Variants in CHODL observed in about 807,000 individuals in gnomAD.
The protein encoded by CHODL is transmembrane protein MT75.
In CHODL, 29 loss-of-function variants were observed where a neutral mutation model predicts 34.5. The observed-to-expected ratio is 0.84, with a 90% CI of 0.63 to 1.15. The LOEUF is 1.15. CHODL is among the 50% of genes most tolerant of loss of function. The pLI is 0.00. For missense variants in CHODL, 332 were observed against 332.5 expected, an observed-to-expected ratio of 1.00 and a Z score of 0.01; for synonymous variants, 125 against 116.1, an observed-to-expected ratio of 1.08 and a Z score of -0.49.
intron 1 of CHODL, among the ~76,000 whole-genome samples, chr21:17,961,669 T>A (rs1243297796): frequency 6.6e-6 from 1 of 152,214 alleles, no homozygotes; most frequent in African/African-American, 2.4e-5. Context: ...TTAAGAGCCA[T>A]CTCCAGTGAG....
intron 2 of CHODL, among the ~76,000 whole-genome samples, chr21:18,091,627 G>A (rs560805503): frequency 6.6e-6 from 1 of 152,274 alleles, no homozygotes; most frequent in Non-Finnish European, 1.5e-5. Flanking sequence ...ACCACAGTGA[G>A]GTAGAGAAAC....
chr21:17,998,983 A>G (rs2063879282), intron 1 of CHODL, among the ~76,000 whole-genome samples: 1 of 152,132 alleles, frequency 6.6e-6, no homozygotes, highest in Admixed American at 6.5e-5. Flanking sequence ...TTTCATTCCT[A>G]CTGCATTGTC....
At chr21:18,076,043 T>C (rs1043101616) in intron 2 of CHODL, among the ~76,000 whole-genome samples, 1 of 152,152 alleles carries the variant, frequency 6.6e-6, no homozygotes, top group African/African-American at 2.4e-5. Flanking sequence ...GAAAGATAAA[T>C]TTCTGTTGTT....
In CHODL at chr21:18,043,989, C is replaced by T. The variant is rs116388922; in HGVS notation, c.-45+16018C>T. 3.7e-3 allele frequency among the ~76,000 whole-genome samples: 570 copies of T among 152,040 alleles called. 6 individuals are homozygous for T. Among genetic ancestry groups the T allele is most frequent in the African/African-American group, 0.013 (545 of 41,522 alleles). ...AACCATCTCCATGATTCAGTTATCT[C>T]CCCGCCACAACACATGGGGATTATG... is the stretch of plus-strand genomic sequence containing the variant. On this transcript the variant is annotated intron_variant, in intron 2 of 6. Transcript: ENST00000400127.
At chr21:18,045,584 A>G (rs2064432080) in intron 2 of CHODL, among the ~76,000 whole-genome samples, 1 of 151,902 alleles carries the variant, frequency 6.6e-6, no homozygotes, top group Non-Finnish European at 1.5e-5. Context: ...CCTTATTTCA[A>G]GTTTATGTCC....
At chr21:17,957,517 G>A (rs1171524266) in intron 1 of CHODL, among the ~76,000 whole-genome samples, 2 of 152,008 alleles carry the variant, frequency 1.3e-5, no homozygotes, top group African/African-American at 4.8e-5. Flanking sequence ...ATGTTATGAA[G>A]AAAATCCACT....
intron 2 of CHODL, among the ~76,000 whole-genome samples, chr21:18,163,664 A>G (rs1336509641): frequency 6.6e-6 from 1 of 152,200 alleles, no homozygotes; most frequent in Non-Finnish European, 1.5e-5. Flanking sequence ...TTTGCATTAT[A>G]GTACATTTGC....
intron 1 of CHODL, among the ~76,000 whole-genome samples, chr21:18,251,502 T>G (rs184073876): frequency 1.4e-3 from 169 of 123,316 alleles, no homozygotes; most frequent in Middle Eastern, 5.7e-3. Context: ...AAATAAATAT[T>G]TATTTTAATA....
At chr21:18,110,768 G>A (rs948660991) in intron 2 of CHODL, among the ~76,000 whole-genome samples, 2 of 152,284 alleles carry the variant, frequency 1.3e-5, no homozygotes, top group East Asian at 3.9e-4. Context: ...CAATGCACTG[G>A]AACATGGGAC....
chr21:18,055,151 G>A (rs981048990), intron 2 of CHODL, among the ~76,000 whole-genome samples: 2 of 151,814 alleles, frequency 1.3e-5, no homozygotes, highest in Non-Finnish European at 2.9e-5. Flanking sequence ...TTTTACTCAC[G>A]GTGTTCCCTC....
chr21:18,240,166 G>T (rs953175681), upstream of CHODL, among the ~76,000 whole-genome samples: 41 of 152,080 alleles, frequency 2.7e-4, no homozygotes, highest in African/African-American at 9.2e-4. Flanking sequence ...TATGGGAAAA[G>T]ATTTATAAAT....
chr21:18,109,324 G>C (rs1216596466), intron 2 of CHODL, among the ~76,000 whole-genome samples: 2 of 152,132 alleles, frequency 1.3e-5, no homozygotes, highest in African/African-American at 4.8e-5. Context: ...TTTTCTCCCA[G>C]TGAGAATGAG....
At chr21:18,186,873 A>T (rs1248143318) in intron 2 of CHODL, among the ~76,000 whole-genome samples, 1 of 152,200 alleles carries the variant, frequency 6.6e-6, no homozygotes, top group Admixed American at 6.5e-5. Flanking sequence ...GATAAGTCCT[A>T]ATAATGTCCA....
At chr21:17,984,510 A>G (rs996789934) in intron 1 of CHODL, among the ~76,000 whole-genome samples, 1 of 152,108 alleles carries the variant, frequency 6.6e-6, no homozygotes, top group African/African-American at 2.4e-5. Context: ...CTTTATGAAA[A>G]TATAATTAAA....
intron 2 of CHODL, among the ~76,000 whole-genome samples, chr21:18,201,583 T>C (rs2073653099): frequency 6.6e-6 from 1 of 152,106 alleles, no homozygotes; most frequent in Non-Finnish European, 1.5e-5. Context: ...TTCCTTGGTA[T>C]ATTAAACTAG....
rs974372038 is a variant in CHODL at position 18,047,477 on chromosome 21, T to C, written c.-45+19506T>C. On this transcript the variant is annotated intron_variant, in intron 2 of 6. Transcript: ENST00000400127. Reference sequence around the variant, plus strand: ...TATTAAAATACATTCAATTCCTTTTTATGGCTTGTAACTGTATATGCTAAT... The same window carrying C: ...TATTAAAATACATTCAATTCCTTTTCATGGCTTGTAACTGTATATGCTAAT... 6.6e-5 allele frequency among the ~76,000 whole-genome samples: 10 copies of C among 151,998 alleles called. 1 individual carries two copies. Among genetic ancestry groups the C allele is most frequent in the African/African-American group, 2.4e-5 (1 of 41,422 alleles).
chr21:18,001,849 A>G (rs2063910149), intron 1 of CHODL, among the ~76,000 whole-genome samples: 2 of 150,682 alleles, frequency 1.3e-5, no homozygotes, highest in Admixed American at 6.7e-5. Flanking sequence ...AGAAAAGCCT[A>G]GGCAAAGTTA....
At chr21:18,245,961 C>T (rs1316889269) in intron 1 of CHODL, 2 of 1,533,344 alleles carry the variant, frequency 1.3e-6, no homozygotes, top group East Asian at 2.4e-5. Context: ...ACTGCAGGTT[C>T]GGCACACAGT....
At chr21:18,170,961 GTGTTAATTC>G (rs1326959726) in intron 2 of CHODL, among the ~76,000 whole-genome samples, 1 of 151,770 alleles carries the variant, frequency 6.6e-6, no homozygotes, top group Non-Finnish European at 1.5e-5. Flanking sequence ...AGTTGTACTA[GTGTTAATTC>G]TGTTAATTTA....
Sources: allele counts gnomAD v4.1 joint callset (sites outside exome capture counted in the v4.1 genomes callset), GRCh38; gene constraint gnomAD v4.1.1; transcripts MANE v1.5; gene names NCBI Gene and HGNC (gene_info 2026-07-23, HGNC 2026-07-21).